TBX5: variants seen among roughly 807,000 people sequenced by gnomAD.
TBX5 encodes the protein T-box transcription factor TBX5.
TBX5 carries 8 observed loss-of-function variants against 51.1 expected under a neutral mutation model. That is an observed-to-expected ratio of 0.16 (90% confidence interval 0.09 to 0.28). TBX5 has a LOEUF of 0.28. TBX5 is among the 10% of genes least tolerant of loss of function. TBX5 has a pLI of 1.00. For synonymous variants in TBX5, 302 were observed against 266.4 expected (o/e 1.13, Z -1.30); for missense variants, 589 against 671.7 (o/e 0.88, Z 1.36).
Position 114,366,265 on chromosome 12 carries a change from C to T in TBX5, c.882G>A (p.Glu294=), listed in dbSNP as rs1395025633. Residue 294 remains glutamate, a synonymous_variant, in exon 8 of 9, where the codon GAG becomes GAA. Coordinates refer to ENST00000405440, the MANE Select transcript of TBX5 (RefSeq NM_181486.4). The part of the protein sequence containing the change: ...SSNLGSQYQC[E]NGVSGPSQDL... The stretch of plus-strand genomic sequence containing the variant: ...CCTGGGAGGGGCCGGAAACACCATT[C>T]TCACACTGGTATTGGGACCCCAAAT... The T allele has an allele frequency of 1.9e-6, 3 of 1,614,102 alleles. No individual in the cohort carries two copies. Among genetic ancestry groups the T allele is most frequent in the East Asian group, 4.5e-5 (2 of 44,870 alleles).
Position 114,401,036 on chromosome 12 carries a change from A to G in TBX5, c.242+790T>C, listed in dbSNP as rs1171427065. On this transcript the variant is annotated intron_variant, in intron 3 of 8. Transcript: ENST00000405440. The stretch of plus-strand genomic sequence containing the variant: ...TTTGCGGGACGCGGAAGACCCGTCC[A>G]GCACGGGTAGGGATGTGGCCAGGAC... Among the ~76,000 whole-genome samples the G allele has an allele frequency of 2.0e-5, 3 of 152,132 alleles. No individual in the cohort carries two copies. The East Asian group carries it at 5.8e-4, about 30-fold the overall frequency.
In TBX5 at chr12:114,377,404, T is replaced by A. The variant is rs181063544; in HGVS notation, c.755+8072A>T. Among the ~76,000 whole-genome samples the A allele has an allele frequency of 2.4e-4, 36 of 152,242 alleles. 1 individual carries two copies. In the East Asian group the frequency reaches 6.6e-3, roughly 28 times the overall value. ...TACATCCCTTGAAATTGAATTTTTT[T>A]AATTGAGACAGCATTTTGCTCTGTT... On this transcript the variant is annotated intron_variant, in intron 7 of 8. Coordinates refer to ENST00000405440, the MANE Select transcript of TBX5 (RefSeq NM_181486.4).
intron 1 of TBX5, among the ~76,000 whole-genome samples, chr12:114,405,278 A>C (rs1036610854): frequency 2.0e-5 from 3 of 151,736 alleles, no homozygotes; most frequent in Admixed American, 2.0e-4. Context: ...ACTCACAACA[A>C]AAGAAAGCAG....
chr12:114,381,056 C>T (rs1870479492), intron 7 of TBX5, among the ~76,000 whole-genome samples: 2 of 152,032 alleles, frequency 1.3e-5, no homozygotes, highest in Non-Finnish European at 2.9e-5. Context: ...TTATAATAAG[C>T]AGTGATTGCT....
In TBX5 at chr12:114,355,780, G is replaced by A; in HGVS notation, c.1309C>T (p.Pro437Ser). The stretch of plus-strand genomic sequence containing the variant: ...TGGTTGGCCATGCCAGCCAGCCGAG[G>A]GACCAGGGGCCCCGAGGTGAAGTGA... Reference protein sequence around the residue: ...SAHFTSGPLVPRLAGMANHGS... With the variant: ...SAHFTSGPLVSRLAGMANHGS... Residue 437 changes from proline (P) to serine (S), a missense_variant, in exon 9 of 9, where the codon CCT becomes TCT. By Grantham distance (74) the Pro-to-Ser change is moderately conservative (BLOSUM62 -1). This residue lies in a region of TBX5 where 348 missense variants were observed against 360.4 expected (regional missense o/e 0.97). Transcript: ENST00000405440. The A allele has an allele frequency of 5.6e-6, 9 of 1,614,150 alleles. No homozygotes were observed. Among genetic ancestry groups the A allele is most frequent in the Non-Finnish European group, 7.6e-6 (9 of 1,180,032 alleles).
chr12:114,372,801 C>CCAGGTGAAT (rs1293905127), intron 7 of TBX5, among the ~76,000 whole-genome samples: 1 of 152,064 alleles, frequency 6.6e-6, no homozygotes, highest in Non-Finnish European at 1.5e-5. Context: ...CGATGTCAGG[C>CCAGGTGAAT]CAGGTGAATG....
intron 5 of TBX5, among the ~76,000 whole-genome samples, chr12:114,398,291 G>C (rs1871547460): frequency 6.6e-6 from 1 of 152,138 alleles, no homozygotes; most frequent in Non-Finnish European, 1.5e-5. Context: ...AGTGGAGACA[G>C]AGGATGAAAT....
At position 114,401,985 on chromosome 12, in the gene TBX5, C is replaced by G. The variant is rs1195354195; in HGVS notation, c.148-65G>C. 4.2e-6 allele frequency: 6 copies of G among 1,417,462 alleles called. No individual in the cohort carries two copies. In the African/African-American group the frequency reaches 7.0e-5, roughly 17 times the overall value. 87.8% of individuals were successfully genotyped at this position (1,417,462 alleles called of 1,614,324 possible). Reference sequence around the variant, plus strand: ...CAGTAGTGGGCATTCCTTCCCCAAACTCCCCCAAAACACAGAGACTGCTCC... The same window carrying G: ...CAGTAGTGGGCATTCCTTCCCCAAAGTCCCCCAAAACACAGAGACTGCTCC... On this transcript the variant is annotated intron_variant, in intron 2 of 8. Coordinates refer to ENST00000405440, the MANE Select transcript of TBX5 (RefSeq NM_181486.4).
intron 6 of TBX5, 115 bp from the exon 7 acceptor site, chr12:114,385,682 A>C: frequency 1.2e-6 from 1 of 848,362 alleles, no homozygotes; most frequent in Non-Finnish European, 2.0e-6. Flanking sequence ...CAACCAAAAG[A>C]AGCAAATTAA....
Position 114,394,828 on chromosome 12 carries a change from A to G in TBX5, c.576T>C (p.Asn192=), listed in dbSNP as rs201212120. 5.2e-5 allele frequency: 84 copies of G among 1,614,058 alleles called. No homozygotes were observed. Among genetic ancestry groups the G allele is most frequent in the Admixed American group, 1.0e-4 (6 of 59,998 alleles). Residue 192 remains asparagine, a synonymous_variant, in exon 6 of 9, where the codon AAT becomes AAC. Transcript: ENST00000405440. ...RLHIVKADEN[N]GFGSKNTAFC... Reference sequence around the variant, plus strand: ...ACGCTGTATTTTTTGAGCCAAATCCATTATTTTCATCCGCTTTCACGATGT... The same window carrying G: ...ACGCTGTATTTTTTGAGCCAAATCCGTTATTTTCATCCGCTTTCACGATGT...
intron 7 of TBX5, among the ~76,000 whole-genome samples, chr12:114,366,790 G>A (rs1869564238): frequency 1.3e-5 from 2 of 152,152 alleles, no homozygotes; most frequent in Admixed American, 1.3e-4. Flanking sequence ...GACTTAACCT[G>A]TGGGTGTCCA....
intron 8 of TBX5, among the ~76,000 whole-genome samples, chr12:114,358,117 G>C (rs141160389): frequency 2.7e-4 from 41 of 152,338 alleles, no homozygotes; most frequent in Non-Finnish European, 5.3e-4. Flanking sequence ...ATCTAAGCCA[G>C]ATTGGATTGA....
intron 6 of TBX5, among the ~76,000 whole-genome samples, chr12:114,394,299 A>C (rs1408175035): frequency 6.6e-6 from 1 of 152,186 alleles, no homozygotes; most frequent in Non-Finnish European, 1.5e-5. Context: ...TGGGTGACAG[A>C]CAGAGTGAGA....
chr12:114,381,709 C>G (rs371569929), intron 7 of TBX5, among the ~76,000 whole-genome samples: 37 of 152,214 alleles, frequency 2.4e-4, no homozygotes, highest in East Asian at 1.2e-3. Context: ...AAATGTAGAA[C>G]AAGAATTGAC....
intron 7 of TBX5, among the ~76,000 whole-genome samples, chr12:114,375,014 C>T (rs568038690): frequency 5.9e-5 from 9 of 152,160 alleles, no homozygotes; most frequent in African/African-American, 9.7e-5. Context: ...GGGCACTCAT[C>T]GTACAATTCT....
Position 114,403,851 on chromosome 12 carries a change from C to A in TBX5, c.48G>T (p.Glu16Asp). ...EGFGLAHTPL[E>D]PDAKDLPCDS... ...CGCAGGGCAGGTCTTTTGCGTCAGG[C>A]TCCAGAGGCGTGTGCGCCAGGCCAA... is the stretch of plus-strand genomic sequence containing the variant. Residue 16 changes from glutamate (E) to aspartate (D), a missense_variant, in exon 2 of 9, where the codon GAG (glutamate) becomes GAT (aspartate). Glu to Asp is a conservative substitution (Grantham distance 45). This residue lies in a region of TBX5 where 101 missense variants were observed against 83.3 expected (regional missense o/e 1.21). Transcript: ENST00000405440. 1 of 1,613,952 alleles carries A rather than the reference C, an allele frequency of 6.2e-7. No individual in the cohort carries two copies. Among genetic ancestry groups the A allele is most frequent in the African/African-American group, 1.3e-5 (1 of 75,034 alleles).
intron 1 of TBX5, among the ~76,000 whole-genome samples, chr12:114,404,516 A>C (rs1872069933): frequency 6.6e-6 from 1 of 152,200 alleles, no homozygotes; most frequent in Non-Finnish European, 1.5e-5. Flanking sequence ...GATTGAGACT[A>C]GGTTCAAAAG....
chr12:114,382,006 A>G (rs552943114), intron 7 of TBX5, among the ~76,000 whole-genome samples: 2 of 152,352 alleles, frequency 1.3e-5, no homozygotes, highest in East Asian at 3.9e-4. Flanking sequence ...CTACCCATCA[A>G]GGACACCTAG....
intron 6 of TBX5, among the ~76,000 whole-genome samples, chr12:114,388,286 T>TA (rs1399107530): frequency 3.3e-5 from 5 of 152,032 alleles, no homozygotes; most frequent in Admixed American, 3.3e-4. Flanking sequence ...GCCTCCCAAG[T>TA]AGTTGGGATT....
Sources: allele counts gnomAD v4.1 joint callset (sites outside exome capture counted in the v4.1 genomes callset), GRCh38; gene constraint gnomAD v4.1.1; regional missense constraint gnomAD v4.1.1; transcripts MANE v1.5; gene names NCBI Gene and HGNC (gene_info 2026-07-23, HGNC 2026-07-21).